LRRC49: variants seen among roughly 807,000 people sequenced by gnomAD.
LRRC49 encodes the protein leucine rich repeat containing 49, also known as leucine-rich repeat-containing protein 49.
In LRRC49, 50 loss-of-function variants were observed where a neutral mutation model predicts 83.3. That is an observed-to-expected ratio of 0.60 (90% confidence interval 0.48 to 0.76). LRRC49 has a LOEUF of 0.76. LRRC49 is among the 30% of genes least tolerant of loss of function. The pLI is 0.00. For missense variants in LRRC49, 704 were observed against 809.1 expected (o/e 0.87, Z 1.58); for synonymous variants, 286 against 283.3 (o/e 1.01, Z -0.10).
At chr15:70,980,302 T>C (rs2037354583) in intron 10 of LRRC49, 118 bp downstream of exon 10, 5 of 608,896 alleles carry the variant, frequency 8.2e-6, no homozygotes, top group Middle Eastern at 2.6e-4. Flanking sequence ...TTTGTTCCTA[T>C]CAACAGAATG....
rs200468894 is a variant in LRRC49 at position 70,904,669 on chromosome 15, G to A, written c.414G>A (p.Ser138=). Residue 138 remains serine (S), a synonymous_variant, in exon 5 of 16, where the codon TCG becomes TCA. Coordinates refer to ENST00000260382, the MANE Select transcript of LRRC49 (RefSeq NM_017691.5). ...TTTCTAATCTACAGAAGTTAATATC[G>A]TTGGATTTATATGATAACCAGATTG... ...QNISNLQKLI[S]LDLYDNQIEE... is the part of the protein sequence containing the mutation. 4.3e-5 allele frequency: 69 copies of A among 1,612,798 alleles called. No individual in the cohort carries two copies. In the South Asian group the frequency reaches 4.8e-4, roughly 11 times the overall value.
At chr15:71,048,268 G>T (rs895138376) in intron 15 of LRRC49, among the ~76,000 whole-genome samples, 2 of 150,614 alleles carry the variant, frequency 1.3e-5, no homozygotes, top group Non-Finnish European at 3.0e-5. Context: ...TTTTATTCTT[G>T]TTTTTCTGTA....
chr15:70,874,262 C>T (rs2033108832), intron 2 of LRRC49, among the ~76,000 whole-genome samples: 1 of 152,114 alleles, frequency 6.6e-6, no homozygotes, highest in East Asian at 1.9e-4. Context: ...CCCATCCCTG[C>T]TGGTTTAGGT....
chr15:71,002,312 T>TG (rs34495237), intron 11 of LRRC49, among the ~76,000 whole-genome samples: 16,559 of 151,600 alleles, frequency 0.11, 1,256 homozygotes, highest in East Asian at 0.31. Context: ...CTTTGGCTTA[T>TG]GGGGGGGGCG....
At chr15:70,941,149 T>C (rs1000796964) in intron 8 of LRRC49, among the ~76,000 whole-genome samples, 7 of 152,152 alleles carry the variant, frequency 4.6e-5, no homozygotes, top group African/African-American at 1.7e-4. Flanking sequence ...AGTCAGAAAA[T>C]AGGTGAAAAT....
At chr15:71,028,852 T>G (rs2039257960) in intron 14 of LRRC49, among the ~76,000 whole-genome samples, 1 of 152,126 alleles carries the variant, frequency 6.6e-6, no homozygotes, top group Admixed American at 6.6e-5. Context: ...TTTATTAGTC[T>G]GGCTAGCAGT....
chr15:71,025,697 C>A (rs1444071004), intron 14 of LRRC49, among the ~76,000 whole-genome samples: 28 of 87,544 alleles, frequency 3.2e-4, no homozygotes, highest in Non-Finnish European at 5.4e-4. Flanking sequence ...ATTTACCAAG[C>A]AAATAGAAAG....
chr15:70,889,834 T>C (rs529493636), upstream of LRRC49, among the ~76,000 whole-genome samples: 23 of 152,220 alleles, frequency 1.5e-4, no homozygotes, highest in South Asian at 3.1e-3. Context: ...AAGAAAAACA[T>C]TGGGTGGGGG....
chr15:70,979,352 A>C (rs963158576), intron 9 of LRRC49, among the ~76,000 whole-genome samples: 87 of 152,206 alleles, frequency 5.7e-4, no homozygotes, highest in African/African-American at 2.0e-3. Flanking sequence ...TGATTGATGA[A>C]ACTATATAAA....
At chr15:70,859,817 TG>T in intron 1 of LRRC49, 1 of 757,860 alleles carries the variant, frequency 1.3e-6, no homozygotes, top group Admixed American at 1.7e-5. Context: ...GGATATGGTG[TG>T]GCAGCTGCGT....
At position 70,854,060 on chromosome 15, in the gene LRRC49, G is replaced by A. The variant is rs1218755053; in HGVS notation, c.-299+591G>A. On this transcript the variant is annotated intron_variant, in intron 1 of 16. Transcript: ENST00000544974. ...GATCTGCACCGCCGTCTTGGGCCCG[G>A]GCCGAGCCTCCCCGCCGGACTGGGC... The A allele has an allele frequency of 6.5e-6, 9 of 1,391,036 alleles. No individual in the cohort carries two copies. Among genetic ancestry groups the A allele is most frequent in the African/African-American group, 1.5e-5 (1 of 67,032 alleles). The allele number at this position is 1,391,036 out of a possible 1,614,324, so 86.2% of individuals were successfully genotyped here.
chr15:71,012,874 T>C lies in LRRC49; in HGVS notation c.1664T>C (p.Leu555Ser), dbSNP rs757277453. 1.9e-6 allele frequency: 3 copies of C among 1,612,884 alleles called. No homozygotes were observed. The African/African-American group carries it at 4.0e-5, about 22-fold the overall frequency. ...GILAHVASSE[L>S]PQYRLISILG... The stretch of plus-strand genomic sequence containing the variant: ...CTAGCACATGTAGCATCTTCTGAGT[T>C]ACCCCAGTATCGTCTGATTTCCATT... Residue 555 changes from leucine (L) to serine (S), a missense_variant, in exon 14 of 16, where the codon TTA (leucine) becomes TCA (serine). This residue lies in a region of LRRC49 where 275 missense variants were observed against 338.0 expected (regional missense o/e 0.81). Coordinates refer to ENST00000260382, the MANE Select transcript of LRRC49 (RefSeq NM_017691.5).
chr15:71,039,310 G>A (rs532542640), intron 15 of LRRC49, among the ~76,000 whole-genome samples: 1 of 152,242 alleles, frequency 6.6e-6, no homozygotes, highest in South Asian at 2.1e-4. Flanking sequence ...GGCCAATAGG[G>A]GTTTCCTAGT....
intron 1 of LRRC49, among the ~76,000 whole-genome samples, chr15:70,854,469 G>T (rs1247372247): frequency 2.0e-5 from 3 of 152,216 alleles, no homozygotes; most frequent in Non-Finnish European, 4.4e-5. Flanking sequence ...TCACGGCGCC[G>T]CAGGGATGGG....
In LRRC49 at chr15:71,049,548, T is replaced by C. The variant is rs1471667880; in HGVS notation, c.1997T>C (p.Ile666Thr). 2 of 1,613,894 alleles carry C rather than the reference T, an allele frequency of 1.2e-6. No individual in the cohort carries two copies. Among genetic ancestry groups the C allele is most frequent in the Non-Finnish European group, 1.7e-6 (2 of 1,179,924 alleles). Residue 666 changes from isoleucine to threonine, a missense_variant, in exon 16 of 16, where the codon ATA (isoleucine) becomes ACA (threonine). Physicochemically the swap from Ile to Thr is moderately conservative, Grantham distance 89. Transcript: ENST00000260382. ...MFIELVRDAV[I>T]EIRNKNSYMK... ...ATTGAGCTTGTTAGGGATGCAGTCATAGAAATTCGCAATAAAAATTCCTAT... is the reference window on the plus strand; with the variant it reads ...ATTGAGCTTGTTAGGGATGCAGTCACAGAAATTCGCAATAAAAATTCCTAT...
chr15:71,022,368 G>T (rs1431086758), intron 14 of LRRC49, among the ~76,000 whole-genome samples: 1 of 151,782 alleles, frequency 6.6e-6, no homozygotes, highest in Non-Finnish European at 1.5e-5. Flanking sequence ...GCGAGACCCT[G>T]TCTCCAAAAA....
At chr15:70,998,966 G>A (rs1468261293) in intron 11 of LRRC49, among the ~76,000 whole-genome samples, 1 of 152,068 alleles carries the variant, frequency 6.6e-6, no homozygotes. Flanking sequence ...AAAATCTGCT[G>A]TTGAAACCCT....
Position 71,049,562 on chromosome 15 carries a change from A to AG in LRRC49, c.2011_2012insG (p.Lys671ArgfsTer25). The stretch of plus-strand genomic sequence containing the variant: ...GGATGCAGTCATAGAAATTCGCAAT[A>AG]AAAATTCCTATATGAAGCTCTGCCT... On this transcript the variant is annotated frameshift_variant, in exon 16 of 16. Transcript: ENST00000260382. LOFTEE classifies it high-confidence loss of function. The AG allele has an allele frequency of 1.9e-6, 3 of 1,614,052 alleles. No homozygotes were observed. The highest frequency in any genetic ancestry group is 2.5e-6 in the Non-Finnish European group (3 of 1,179,924).
In LRRC49 at chr15:71,037,350, CT is replaced by C; in HGVS notation, c.1857+21del. 1 of 1,571,484 alleles carries C rather than the reference CT, an allele frequency of 6.4e-7. No individual in the cohort carries two copies. Among genetic ancestry groups the C allele is most frequent in the South Asian group, 1.2e-5 (1 of 84,470 alleles). ...AGCTAGAGGTAAAACTACTGTTAAT[CT>C]TTGCGATCTAATGCCAGGATATATC... On this transcript the variant is annotated intron_variant, in intron 15 of 15. Coordinates refer to ENST00000260382, the MANE Select transcript of LRRC49 (RefSeq NM_017691.5).
Sources: gnomAD v4.1 joint callset for allele counts (sites outside exome capture counted in the v4.1 genomes callset) on GRCh38, gnomAD v4.1.1 for gene constraint, gnomAD v4.1.1 regional missense constraint, MANE v1.5 for transcripts, NCBI Gene and HGNC (gene_info 2026-07-23, HGNC 2026-07-21) for gene names.